The following SLC14A2 variants were observed in gnomAD, a reference collection of about 807,000 sequenced individuals.
SLC14A2 encodes urea transporter 2.
SLC14A2 carries 91 observed loss-of-function variants against 104.6 expected under a neutral mutation model. The ratio of observed to expected loss-of-function variants is 0.87; its 90% confidence interval spans 0.73 to 1.04. SLC14A2 has a LOEUF of 1.04. Ranked by LOEUF, SLC14A2 falls within the 50% of genes least tolerant of loss-of-function variation. SLC14A2 has a pLI of 0.00. For missense variants in SLC14A2, 1,189 were observed against 1,156.0 expected, an observed-to-expected ratio of 1.03 and a Z score of -0.41; for synonymous variants, 476 against 466.4, an observed-to-expected ratio of 1.02 and a Z score of -0.27.
chr18:45,168,032 A>G, the SLC14A2 span, among the ~76,000 whole-genome samples: 3 of 152,146 alleles, frequency 2.0e-5, no homozygotes, highest in Non-Finnish European at 1.5e-5. Flanking sequence ...GGCCAGCTCG[A>G]CAGAGAGCCA....
At chr18:45,598,133 C>T (rs2044739722) in intron 2 of SLC14A2, among the ~76,000 whole-genome samples, 1 of 152,194 alleles carries the variant, frequency 6.6e-6, no homozygotes, top group Non-Finnish European at 1.5e-5. Context: ...ACTGTAGAGA[C>T]CCGAGGCCCA....
chr18:45,334,694 G>C (rs1325332750), intron 1 of SLC14A2, among the ~76,000 whole-genome samples: 1 of 152,098 alleles, frequency 6.6e-6, no homozygotes, highest in Non-Finnish European at 1.5e-5. Context: ...AAAAATTTTT[G>C]CTCCTCTGTG....
At chr18:45,580,561 T>C (rs1301461604) in intron 2 of SLC14A2, among the ~76,000 whole-genome samples, 6 of 152,268 alleles carry the variant, frequency 3.9e-5, no homozygotes, top group African/African-American at 1.4e-4. Context: ...CTAGGGAGCA[T>C]GGGAGGAGAA....
intron 4 of SLC14A2, 58 bp from the exon 5 acceptor site, chr18:45,632,292 G>A (rs1158678509): frequency 3.2e-6 from 5 of 1,581,126 alleles, no homozygotes; most frequent in Non-Finnish European, 4.3e-6. Flanking sequence ...GCACCAGGAG[G>A]GAGGGGCCCA....
chr18:45,528,862 CTTTG>C (rs1247038736), intron 2 of SLC14A2: 4 of 152,220 alleles, frequency 2.6e-5, no homozygotes, highest in Non-Finnish European at 4.4e-5. Flanking sequence ...GGCCTCATGA[CTTTG>C]TTTGACCAAT....
chr18:45,579,245 T>A (rs1203911752), intron 2 of SLC14A2, among the ~76,000 whole-genome samples: 1 of 152,188 alleles, frequency 6.6e-6, no homozygotes, highest in Non-Finnish European at 1.5e-5. Flanking sequence ...ACAAGGCTCT[T>A]TGTATGGGCT....
intron 1 of SLC14A2, among the ~76,000 whole-genome samples, chr18:45,406,035 A>G (rs560770086): frequency 1.3e-5 from 2 of 152,310 alleles, no homozygotes; most frequent in South Asian, 2.1e-4. Context: ...AAATAAGACA[A>G]CAGTGAACTT....
intron 1 of SLC14A2, among the ~76,000 whole-genome samples, chr18:45,420,407 A>G (rs2086330515): frequency 6.6e-6 from 1 of 151,730 alleles, no homozygotes. Context: ...TGTGAACTCC[A>G]GGAAATAAAG....
At chr18:45,350,787 T>C (rs1211689592) in intron 1 of SLC14A2, among the ~76,000 whole-genome samples, 1 of 150,234 alleles carries the variant, frequency 6.7e-6, no homozygotes, top group East Asian at 1.9e-4. Flanking sequence ...AAAAGCTCCC[T>C]GAGACACAGC....
chr18:45,312,564 G>A (rs1015085607), intron 1 of SLC14A2, among the ~76,000 whole-genome samples: 1 of 152,016 alleles, frequency 6.6e-6, no homozygotes, highest in Non-Finnish European at 1.5e-5. Flanking sequence ...GCAAATGGGG[G>A]GAAAATGTGG....
chr18:45,299,890 C>T (rs2084951671), intron 1 of SLC14A2, among the ~76,000 whole-genome samples: 1 of 152,182 alleles, frequency 6.6e-6, no homozygotes, highest in African/African-American at 2.4e-5. Flanking sequence ...GTGTCTTGGC[C>T]TGTTCTCTGA....
At chr18:45,227,767 A>G (rs1002856545) in intron 1 of SLC14A2, among the ~76,000 whole-genome samples, 11 of 152,206 alleles carry the variant, frequency 7.2e-5, no homozygotes, top group Admixed American at 2.6e-4. Flanking sequence ...ATTGTGGTGC[A>G]ATGTAAGTAC....
chr18:45,496,783 CA>C (rs138963930), intron 2 of SLC14A2, among the ~76,000 whole-genome samples: 5 of 150,664 alleles, frequency 3.3e-5, no homozygotes, highest in Admixed American at 6.6e-5. Flanking sequence ...GACTCCGTCT[CA>C]AAAAAAAATG....
At position 45,386,627 on chromosome 18, in the gene SLC14A2, A is replaced by T. The variant is rs553589690; in HGVS notation, c.-124-96606A>T. Reference sequence around the variant, plus strand: ...TGAGTCCTGCTAACACATAGCGCAGACTCCTCCTCCACTCAACAGCTGCTA... The same window carrying T: ...TGAGTCCTGCTAACACATAGCGCAGTCTCCTCCTCCACTCAACAGCTGCTA... On this transcript the variant is annotated intron_variant, in intron 1 of 20. Transcript: ENST00000586448. Among the ~76,000 whole-genome samples, 204 of 152,048 alleles carry T rather than the reference A, an allele frequency of 1.3e-3. No individual in the cohort carries two copies. The Middle Eastern group carries it at 0.017, about 13-fold the overall frequency.
At chr18:45,273,984 A>G (rs541844312) in intron 1 of SLC14A2, among the ~76,000 whole-genome samples, 1 of 152,296 alleles carries the variant, frequency 6.6e-6, no homozygotes, top group Admixed American at 6.5e-5. Flanking sequence ...TTTAATTCTA[A>G]GACAGAACTA....
chr18:45,524,519 A>G (rs1005194438), intron 2 of SLC14A2, among the ~76,000 whole-genome samples: 21 of 152,198 alleles, frequency 1.4e-4, no homozygotes, highest in African/African-American at 5.1e-4. Context: ...GCCTCAAGGA[A>G]GCCCAGAGCA....
chr18:45,503,001 G>A (rs1030499603), intron 2 of SLC14A2, among the ~76,000 whole-genome samples: 1 of 151,806 alleles, frequency 6.6e-6, no homozygotes, highest in African/African-American at 2.4e-5. Flanking sequence ...ATCACAAGAA[G>A]AAGGCATCAT....
chr18:45,511,543 T>C (rs763782213), intron 2 of SLC14A2, among the ~76,000 whole-genome samples: 1 of 152,178 alleles, frequency 6.6e-6, no homozygotes, highest in African/African-American at 2.4e-5. Flanking sequence ...GATTACCTTA[T>C]CACAGTGGTT....
upstream of SLC14A2, among the ~76,000 whole-genome samples, chr18:45,612,950 A>G (rs1217531585): frequency 6.6e-6 from 1 of 152,138 alleles, no homozygotes; most frequent in African/African-American, 2.4e-5. Context: ...CCATGACTGT[A>G]AGTTTCCTCA....
Sources: allele counts gnomAD v4.1 joint callset (sites outside exome capture counted in the v4.1 genomes callset), GRCh38; gene constraint gnomAD v4.1.1; transcripts MANE v1.5; gene names NCBI Gene and HGNC (gene_info 2026-07-23, HGNC 2026-07-21).